Variants in BRWD1 observed in about 807,000 individuals in gnomAD.
The protein encoded by BRWD1 is bromodomain and WD repeat domain containing 1.
In BRWD1, 82 loss-of-function variants were observed where a neutral mutation model predicts 251.2. The ratio of observed to expected loss-of-function variants is 0.33; its 90% CI spans 0.27 to 0.39. The LOEUF is 0.39. BRWD1 is among the 10% of genes least tolerant of loss of function. The pLI is 1.00. For synonymous variants in BRWD1, 918 were observed against 902.8 expected (o/e 1.02, Z -0.30); for missense variants, 2,233 against 2,711.6 (o/e 0.82, Z 3.92).
At chr21:39,269,398 G>C (rs1018225923) in intron 15 of BRWD1, among the ~76,000 whole-genome samples, 1 of 151,610 alleles carries the variant, frequency 6.6e-6, no homozygotes, top group Non-Finnish European at 1.5e-5. Flanking sequence ...GAATTCCTGG[G>C]CTCAAGCAAT....
At chr21:39,313,419 G>T in intron 1 of BRWD1, 24 bp downstream of exon 1, 10 of 1,441,848 alleles carry the variant, frequency 6.9e-6, no homozygotes, top group Non-Finnish European at 9.1e-6. Flanking sequence ...GCCAGGGCGG[G>T]GGTGGCACGG....
In BRWD1 at chr21:39,286,314, G is replaced by A. The variant is rs562495931; in HGVS notation, c.832-6066C>T. ...ATTACAGGCGTAAGCCACCGCGCCCGGCCCATATGAACCATTTTAAAGTCA... is the reference window on the plus strand; with the variant it reads ...ATTACAGGCGTAAGCCACCGCGCCCAGCCCATATGAACCATTTTAAAGTCA... On this transcript the variant is annotated intron_variant, in intron 8 of 40. Transcript: ENST00000342449. 3.2e-4 allele frequency among the ~76,000 whole-genome samples: 48 copies of A among 152,026 alleles called. No homozygotes were observed. In the South Asian group the frequency reaches 5.0e-3, roughly 16 times the overall value.
intron 4 of BRWD1, among the ~76,000 whole-genome samples, chr21:39,310,472 C>G (rs1601516037): frequency 6.6e-6 from 1 of 152,178 alleles, no homozygotes; most frequent in East Asian, 1.9e-4. Context: ...AACCCCATCT[C>G]TACTAAAAAT....
chr21:39,306,778 G>A (rs927165737), intron 4 of BRWD1, among the ~76,000 whole-genome samples: 1 of 152,170 alleles, frequency 6.6e-6, no homozygotes, highest in Non-Finnish European at 1.5e-5. Context: ...AAACCTTCAA[G>A]TACAAATCTT....
intron 23 of BRWD1, among the ~76,000 whole-genome samples, chr21:39,235,135 G>C (rs1367940071): frequency 6.6e-6 from 1 of 152,132 alleles, no homozygotes; most frequent in Non-Finnish European, 1.5e-5. Flanking sequence ...TGTAGTCCCA[G>C]CTACTTGGGA....
At chr21:39,236,971 T>G (rs1385759895) in intron 22 of BRWD1, among the ~76,000 whole-genome samples, 187 bp from the exon 23 acceptor site, 2 of 150,568 alleles carry the variant, frequency 1.3e-5, no homozygotes, top group African/African-American at 4.9e-5. Context: ...ATGACAAACA[T>G]AAGAGAAAAA....
intron 4 of BRWD1, among the ~76,000 whole-genome samples, chr21:39,299,215 T>A (rs1438710229): frequency 6.8e-6 from 1 of 147,222 alleles, no homozygotes; most frequent in Non-Finnish European, 1.5e-5. Context: ...AAGAAAAAAA[T>A]ATATATACAT....
intron 29 of BRWD1, among the ~76,000 whole-genome samples, chr21:39,222,078 T>C (rs569277695): frequency 1.5e-4 from 23 of 151,752 alleles, no homozygotes; most frequent in African/African-American, 5.6e-4. Flanking sequence ...TGTGAAAAAA[T>C]TGGAACCCAC....
intron 36 of BRWD1, among the ~76,000 whole-genome samples, chr21:39,208,207 GTA>G (rs1158721669): frequency 1.3e-5 from 2 of 152,198 alleles, no homozygotes; most frequent in Non-Finnish European, 2.9e-5. Flanking sequence ...ATGGTGAACT[GTA>G]TGGTATGTGT....
intron 21 of BRWD1, among the ~76,000 whole-genome samples, chr21:39,240,752 T>A (rs11911709): frequency 0.013 from 2,055 of 152,346 alleles, 28 homozygotes; most frequent in Non-Finnish European, 0.017. Flanking sequence ...AGTGTGGGAC[T>A]ATCTGTAGTA....
At chr21:39,289,772 C>A (rs937945335) in intron 8 of BRWD1, among the ~76,000 whole-genome samples, 3 of 151,930 alleles carry the variant, frequency 2.0e-5, no homozygotes, top group Non-Finnish European at 4.4e-5. Context: ...CGCCTGTAAT[C>A]CCAGCACTTT....
At chr21:39,245,092 G>A (rs1385014132) in intron 21 of BRWD1, among the ~76,000 whole-genome samples, 1 of 151,320 alleles carries the variant, frequency 6.6e-6, no homozygotes, top group East Asian at 1.9e-4. Context: ...TAATATAATA[G>A]TTTAGCCAGG....
downstream of BRWD1, chr21:39,184,706 T>C (rs1222727442): frequency 1.3e-5 from 2 of 152,212 alleles, no homozygotes; most frequent in Non-Finnish European, 2.9e-5. Flanking sequence ...TAAAGTGAGT[T>C]TGGAAGCAAA....
At chr21:39,204,639 G>A (rs1446504397) in intron 37 of BRWD1, among the ~76,000 whole-genome samples, 3 of 152,058 alleles carry the variant, frequency 2.0e-5, no homozygotes, top group Non-Finnish European at 2.9e-5. Flanking sequence ...TCTCTACATA[G>A]CAGTCCCCAA....
chr21:39,315,549 G>A (rs1207480131), upstream of BRWD1, among the ~76,000 whole-genome samples: 1 of 151,926 alleles, frequency 6.6e-6, no homozygotes, highest in Non-Finnish European at 1.5e-5. Flanking sequence ...CAGGAGAATC[G>A]CTTGAACCCC....
Position 39,197,071 on chromosome 21 carries a change from C to G in BRWD1, c.5998G>C (p.Asp2000His), listed in dbSNP as rs139902450. The change falls in exon 41 of 41, where the codon GAT (aspartate) becomes CAT (histidine). Residue 2000 changes from aspartate to histidine, a missense_variant. Around this residue, in one of 12 missense-constraint regions of BRWD1, gnomAD observed 928 missense variants for 970.0 expected, o/e 0.96. Transcript: ENST00000342449. ...TTTGTACTACCTTCGGAGTCAGGAT[C>G]AGGTGGCTTGCCTTCACAGGCATAC... ...EQYACEGKPP[D>H]PDSEGSTKVL... is the part of the protein sequence containing the mutation. The G allele has an allele frequency of 4.3e-6, 7 of 1,614,044 alleles. No homozygotes were observed. The African/African-American group carries it at 8.0e-5, about 18-fold the overall frequency.
chr21:39,312,755 A>G (rs2146816446), intron 4 of BRWD1, 86 bp downstream of exon 4: 1 of 1,121,624 alleles, frequency 8.9e-7, no homozygotes, highest in Non-Finnish European at 1.3e-6. Flanking sequence ...TTTGCACCCC[A>G]CGGGCCGGGG....
intron 27 of BRWD1, among the ~76,000 whole-genome samples, chr21:39,226,548 T>G (rs989549958): frequency 2.0e-5 from 3 of 152,172 alleles, no homozygotes; most frequent in Non-Finnish European, 4.4e-5. Flanking sequence ...CTCTTACACC[T>G]CATGGGAGCT....
At chr21:39,248,483 G>A (rs2034274085) in intron 20 of BRWD1, among the ~76,000 whole-genome samples, 3 of 151,158 alleles carry the variant, frequency 2.0e-5, no homozygotes, top group East Asian at 1.9e-4. Context: ...AACAAAAAAC[G>A]AAAAATTAGC....
Sources: gnomAD v4.1 joint callset for allele counts (sites outside exome capture counted in the v4.1 genomes callset) on GRCh38, gnomAD v4.1.1 for gene constraint, gnomAD v4.1.1 regional missense constraint, MANE v1.5 for transcripts, NCBI Gene and HGNC (gene_info 2026-07-23, HGNC 2026-07-21) for gene names.